Variants in GPX3 observed in about 807,000 individuals in gnomAD.
GPX3 encodes glutathione peroxidase 3.
Under a neutral mutation model 25.1 loss-of-function variants are expected in GPX3, and 22 were observed. That is an observed-to-expected ratio of 0.88 (90% CI 0.63 to 1.25). GPX3 has a LOEUF of 1.25. Ranked by LOEUF, GPX3 falls within the 50% of genes most tolerant of loss-of-function variation. The pLI is 0.00. For synonymous variants in GPX3, 110 were observed against 114.5 expected (o/e 0.96, Z 0.25); for missense variants, 278 against 286.6 (o/e 0.97, Z 0.22).
Position 151,028,382 on chromosome 5 carries a change from T to TCTAC in GPX3, c.*256_*259dup. ...GTGTGCATGGGTGTACAGCCACGTGTCTACCTATGTGTCTTTCTGGGAATG... is the reference window on the plus strand; with the variant it reads ...GTGTGCATGGGTGTACAGCCACGTGTCTACCTACCTATGTGTCTTTCTGGGAATG... On this transcript the variant is annotated 3_prime_UTR_variant, in exon 5 of 5. Transcript: ENST00000388825. 2 of 503,814 alleles carry TCTAC rather than the reference T, an allele frequency of 4.0e-6. No homozygotes were observed. The highest frequency in any genetic ancestry group is 7.3e-6 in the Non-Finnish European group (2 of 274,126). 31.2% of individuals were successfully genotyped at this position (503,814 alleles called of 1,614,324 possible).
chr5:151,023,437 T>C (rs926989967), intron 1 of GPX3, among the ~76,000 whole-genome samples: 16 of 152,200 alleles, frequency 1.1e-4, no homozygotes, highest in Non-Finnish European at 2.2e-4. Flanking sequence ...GTAAGTGACT[T>C]GCTCAGGGCC....
Position 151,024,691 on chromosome 5 carries a change from G to A in GPX3, c.88-649G>A, listed in dbSNP as rs139742260. 1.1e-4 allele frequency among the ~76,000 whole-genome samples: 16 copies of A among 152,342 alleles called. No homozygotes were observed. The East Asian group carries it at 3.1e-3, about 29-fold the overall frequency. On this transcript the variant is annotated intron_variant, in intron 1 of 4. Transcript: ENST00000388825. ...CGGAACATTAACACATGCAGGTACT[G>A]TTGCTTTTCCCTACCTCACCACAGC...
rs745591470 is a variant in GPX3 at position 151,027,516 on chromosome 5, C to T, written c.444C>T (p.Phe148=). The T allele has an allele frequency of 1.2e-6, 2 of 1,609,328 alleles. No homozygotes were observed. Among genetic ancestry groups the T allele is most frequent in the South Asian group, 1.1e-5 (1 of 90,996 alleles). The change falls in exon 4 of 5, where the codon TTC becomes TTT. Residue 148 remains phenylalanine (F), a synonymous_variant. Coordinates refer to ENST00000388825, the MANE Select transcript of GPX3 (RefSeq NM_002084.5). ...GDVNGEKEQK[F]YTFLKNSCPP... Reference sequence around the variant, plus strand: ...TCAATGGAGAGAAAGAGCAGAAATTCTACACTTTCCTAAAGGTAAGTGAGC... The same window carrying T: ...TCAATGGAGAGAAAGAGCAGAAATTTTACACTTTCCTAAAGGTAAGTGAGC...
chr5:151,028,034 C>G lies in GPX3; in HGVS notation c.585C>G (p.Ile195Met), dbSNP rs772121564. 39 of 1,613,992 alleles carry G rather than the reference C, an allele frequency of 2.4e-5. 1 individual carries two copies. In the South Asian group the frequency reaches 4.3e-4, roughly 18 times the overall value. ...KFLVGPDGIP[I>M]MRWHHRTTVS... ...TGGTGGGGCCAGATGGTATACCCAT[C>G]ATGCGCTGGCACCACCGGACCACGG... The change falls in exon 5 of 5, where the codon ATC becomes ATG. Residue 195 changes from isoleucine to methionine, a missense_variant. Coordinates refer to ENST00000388825, the MANE Select transcript of GPX3 (RefSeq NM_002084.5).
chr5:151,020,978 A>C (rs1756466681), intron 1 of GPX3: 2 of 588,662 alleles, frequency 3.4e-6, no homozygotes, highest in Non-Finnish European at 6.2e-6. Flanking sequence ...GGCGGGCAGA[A>C]TGACTAAGGG....
At position 151,027,535 on chromosome 5, in the gene GPX3, A is replaced by T. The variant is rs576911208; in HGVS notation, c.459+4A>T. 4 of 1,582,478 alleles carry T rather than the reference A, an allele frequency of 2.5e-6. No individual in the cohort carries two copies. The South Asian group carries it at 4.4e-5, about 17-fold the overall frequency. ...GAAATTCTACACTTTCCTAAAGGTAAGTGAGCTGCCACCTGTGCTGGCTGG... is the reference window on the plus strand; with the variant it reads ...GAAATTCTACACTTTCCTAAAGGTATGTGAGCTGCCACCTGTGCTGGCTGG... On this transcript the variant is annotated splice_donor_region_variant and intron_variant, in intron 4 of 4. Transcript: ENST00000388825.
chr5:151,020,738 G>A lies in GPX3; in HGVS notation c.84G>A (p.Ser28=), dbSNP rs764135153. ...CGCAGAGCCGGGGACAAGAGAAGTC[G>A]AAGGTGAGTGAGCCTCCGGGCCGGG... The part of the protein sequence containing the change: ...FVSQSRGQEK[S]KMDCHGGISG... Residue 28 remains serine (S), a synonymous_variant, in exon 1 of 5, where the codon TCG becomes TCA. Coordinates refer to ENST00000388825, the MANE Select transcript of GPX3 (RefSeq NM_002084.5). The A allele has an allele frequency of 2.5e-6, 4 of 1,611,286 alleles. 1 individual carries two copies. Among genetic ancestry groups the A allele is most frequent in the Non-Finnish European group, 3.4e-6 (4 of 1,179,178 alleles).
At chr5:151,022,728 A>T (rs555423462) in intron 1 of GPX3, among the ~76,000 whole-genome samples, 1 of 152,276 alleles carries the variant, frequency 6.6e-6, no homozygotes, top group Admixed American at 6.5e-5. Flanking sequence ...TTGTCTCTAC[A>T]AAAGGACTGC....
At chr5:151,022,344 G>A (rs1055019994) in intron 1 of GPX3, among the ~76,000 whole-genome samples, 3 of 152,220 alleles carry the variant, frequency 2.0e-5, no homozygotes, top group African/African-American at 7.2e-5. Flanking sequence ...CTCTGGGGAA[G>A]GATAAATGGA....
At chr5:151,021,872 T>G (rs1265494876) in intron 1 of GPX3, 2 of 152,260 alleles carry the variant, frequency 1.3e-5, no homozygotes, top group African/African-American at 4.8e-5. Context: ...AGCTCTGAGC[T>G]TTTGTTTCTA....
Position 151,028,472 on chromosome 5 carries a change from C to A in GPX3, c.*342C>A. The A allele has an allele frequency of 3.2e-6, 1 of 308,344 alleles. No individual in the cohort carries two copies. The highest frequency in any genetic ancestry group is 6.3e-6 in the Non-Finnish European group (1 of 158,964). The allele number at this position is 308,344 out of a possible 1,614,324, so 19.1% of individuals were successfully genotyped here. ...GTGACAACCCTTTCTCTCCAGTTCTCCACTCCAATGATAATAGTTCACTTA... is the reference window on the plus strand; with the variant it reads ...GTGACAACCCTTTCTCTCCAGTTCTACACTCCAATGATAATAGTTCACTTA... On this transcript the variant is annotated 3_prime_UTR_variant, in exon 5 of 5. Coordinates refer to ENST00000388825, the MANE Select transcript of GPX3 (RefSeq NM_002084.5).
At chr5:151,022,373 G>C (rs1756489997) in intron 1 of GPX3, among the ~76,000 whole-genome samples, 1 of 152,308 alleles carries the variant, frequency 6.6e-6, no homozygotes, top group South Asian at 2.1e-4. Flanking sequence ...GAATAGGATG[G>C]GGATGGTCTA....
chr5:151,026,731 A>G (rs1756553967), intron 2 of GPX3, 169 bp from the exon 3 acceptor site: 2 of 606,266 alleles, frequency 3.3e-6, no homozygotes, highest in Non-Finnish European at 5.9e-6. Flanking sequence ...AGAGGATAGG[A>G]CCTGAGTCCC....
chr5:151,027,833 TC>T, intron 4 of GPX3, 75 bp from the exon 5 acceptor site: 1 of 1,223,498 alleles, frequency 8.2e-7, no homozygotes, highest in Non-Finnish European at 1.2e-6. Context: ...GCCAGGCTAT[TC>T]CCCAGGAAGG....
At position 151,020,680 on chromosome 5, in the gene GPX3, G is replaced by T. The variant is rs1756459058; in HGVS notation, c.26G>T (p.Cys9Phe). Residue 9 changes from cysteine (C) to phenylalanine (F), a missense_variant, in exon 1 of 5, where the codon TGC (cysteine) becomes TTC (phenylalanine). Coordinates refer to ENST00000388825, the MANE Select transcript of GPX3 (RefSeq NM_002084.5). MARLLQAS[C>F]LLSLLLAGFV... is the part of the protein sequence containing the mutation. Reference sequence around the variant, plus strand: ...ATGGCCCGGCTGCTGCAGGCGTCCTGCCTGCTTTCCCTGCTCCTGGCCGGC... The same window carrying T: ...ATGGCCCGGCTGCTGCAGGCGTCCTTCCTGCTTTCCCTGCTCCTGGCCGGC... 1.2e-6 allele frequency: 2 copies of T among 1,611,200 alleles called. No homozygotes were observed. The highest frequency in any genetic ancestry group is 1.3e-5 in the African/African-American group (1 of 74,912).
At chr5:151,026,732 C>T in intron 2 of GPX3, 168 bp from the exon 3 acceptor site, 1 of 605,344 alleles carries the variant, frequency 1.7e-6, no homozygotes, top group Non-Finnish European at 3.0e-6. Flanking sequence ...GAGGATAGGA[C>T]CTGAGTCCCA....
Position 151,026,893 on chromosome 5 carries a change from G to T in GPX3, c.242-7G>T. 3 of 1,602,424 alleles carry T rather than the reference G, an allele frequency of 1.9e-6. No homozygotes were observed. Among genetic ancestry groups the T allele is most frequent in the Non-Finnish European group, 2.6e-6 (3 of 1,170,706 alleles). On this transcript the variant is annotated splice_polypyrimidine_tract_variant and splice_region_variant and intron_variant, in intron 2 of 4. Transcript: ENST00000388825. The stretch of plus-strand genomic sequence containing the variant: ...ACTCCCACATCTGCTCTTTCTCTTT[G>T]GCCCAGAACTGAATGCACTACAGGA...
intron 2 of GPX3, 187 bp from the exon 3 acceptor site, chr5:151,026,708 CAGATT>C (rs1250830447): frequency 3.8e-6 from 2 of 524,706 alleles, no homozygotes; most frequent in African/African-American, 3.8e-5. Context: ...CCAATCCATC[CAGATT>C]AGAGTCAAGA....
rs1756610570 is a variant in GPX3 at position 151,028,710 on chromosome 5, C to T, written c.*580C>T. ...CTACATCCCCACCCCACAGTTCTCCCTGAGAGAGATCAACCTCCCTGAGAT... is the reference window on the plus strand; with the variant it reads ...CTACATCCCCACCCCACAGTTCTCCTTGAGAGAGATCAACCTCCCTGAGAT... On this transcript the variant is annotated 3_prime_UTR_variant, in exon 5 of 5. Coordinates refer to ENST00000388825, the MANE Select transcript of GPX3 (RefSeq NM_002084.5). 1 of 155,472 alleles carries T rather than the reference C, an allele frequency of 6.4e-6. No individual in the cohort carries two copies. Among genetic ancestry groups the T allele is most frequent in the South Asian group, 2.0e-4 (1 of 5,044 alleles). 9.6% of individuals were successfully genotyped at this position (155,472 alleles called of 1,614,324 possible). A position where few individuals can be genotyped will look rare whatever the true frequency, so the allele number is the denominator to read the frequency against.
Sources: gnomAD v4.1 joint callset for allele counts (sites outside exome capture counted in the v4.1 genomes callset) on GRCh38, gnomAD v4.1.1 for gene constraint, MANE v1.5 for transcripts, NCBI Gene and HGNC (gene_info 2026-07-23, HGNC 2026-07-21) for gene names.